Variants in KLRD1 observed in about 807,000 individuals in gnomAD.
KLRD1 encodes natural killer cells antigen CD94.
A neutral mutation model predicts 22.6 loss-of-function variants in KLRD1; 21 were observed. That is an observed-to-expected ratio of 0.93 (90% CI 0.66 to 1.34). The LOEUF is 1.34. Ranked by LOEUF, KLRD1 falls within the 40% of genes most tolerant of loss-of-function variation. The pLI is 0.00. For synonymous variants in KLRD1, 59 were observed against 71.1 expected, an observed-to-expected ratio of 0.83 and a Z score of 0.85; for missense variants, 183 against 208.6, an observed-to-expected ratio of 0.88 and a Z score of 0.76.
rs146110595 is a variant in KLRD1 at position 10,240,307 on chromosome 12, C to T, written c.-101+14074C>T. Among the ~76,000 whole-genome samples, 758 of 152,090 alleles carry T rather than the reference C, an allele frequency of 5.0e-3. 8 individuals are homozygous for T. Among genetic ancestry groups the T allele is most frequent in the African/African-American group, 0.017 (703 of 41,478 alleles). On this transcript the variant is annotated intron_variant, in intron 1 of 5. Transcript: ENST00000544747. The stretch of plus-strand genomic sequence containing the variant: ...AGCTCCTGAGCTCAAGCGATCTGCC[C>T]GCTTCTGCCTCCCAAAGTGCTGGGA...
At chr12:10,306,492 T>C (rs1949931032), upstream of KLRD1, among the ~76,000 whole-genome samples, 1 of 152,178 alleles carries the variant, frequency 6.6e-6, no homozygotes, top group South Asian at 2.1e-4. Flanking sequence ...ATAATCCCTA[T>C]TGCACATTCT....
chr12:10,328,047 G>A lies in KLRD1; in HGVS notation c.*13254G>A, dbSNP rs1198467872. On this transcript the variant is annotated 3_prime_UTR_variant, in exon 6 of 6. Coordinates refer to ENST00000336164, the MANE Select transcript of KLRD1 (RefSeq NM_002262.5). ...TGGCATATACTCCTTTTAGTGTACT[G>A]TTGAATTAATTTTGCTACTACTTTG... is the stretch of plus-strand genomic sequence containing the variant. 1 of 152,078 alleles carries A rather than the reference G, an allele frequency of 6.6e-6. No individual in the cohort carries two copies. The highest frequency in any genetic ancestry group is 6.6e-5 in the Admixed American group (1 of 15,258). The allele number at this position is 152,078 out of a possible 1,614,324, so 9.4% of individuals were successfully genotyped here. A position where few individuals can be genotyped will look rare whatever the true frequency, so the allele number is the denominator to read the frequency against.
chr12:10,301,107 A>G (rs528461606), upstream of KLRD1, among the ~76,000 whole-genome samples: 47 of 152,328 alleles, frequency 3.1e-4, no homozygotes, highest in African/African-American at 1.1e-3. Context: ...ATTTCATAAA[A>G]TGAATGAAGG....
chr12:10,328,113 T>G lies in KLRD1; in HGVS notation c.*13320T>G, dbSNP rs112859425. 2.0e-4 allele frequency: 30 copies of G among 152,300 alleles called. 2 individuals are homozygous for G. Among genetic ancestry groups the G allele is most frequent in the African/African-American group, 7.0e-4 (29 of 41,570 alleles). 9.4% of individuals were successfully genotyped at this position (152,300 alleles called of 1,614,324 possible). A position where few individuals can be genotyped will look rare whatever the true frequency, so the allele number is the denominator to read the frequency against. ...TCTACGTTTACTAGACATATTGGCTTATAGTTTTCTTGTGGTATCTTTGAC... is the reference window on the plus strand; with the variant it reads ...TCTACGTTTACTAGACATATTGGCTGATAGTTTTCTTGTGGTATCTTTGAC... On this transcript the variant is annotated 3_prime_UTR_variant, in exon 6 of 6. Coordinates refer to ENST00000336164, the MANE Select transcript of KLRD1 (RefSeq NM_002262.5).
chr12:10,254,186 T>C (rs1949370596), intron 1 of KLRD1, among the ~76,000 whole-genome samples: 2 of 151,968 alleles, frequency 1.3e-5, no homozygotes, highest in African/African-American at 4.8e-5. Flanking sequence ...CCCAGCACTT[T>C]GGGAGGCCGA....
At chr12:10,272,985 C>CT (rs1949563146) in intron 1 of KLRD1, among the ~76,000 whole-genome samples, 2 of 151,830 alleles carry the variant, frequency 1.3e-5, no homozygotes, top group Admixed American at 1.3e-4. Context: ...TCAGAAATAC[C>CT]TTTTTTGTGA....
At chr12:10,241,018 T>G (rs907046140) in intron 1 of KLRD1, among the ~76,000 whole-genome samples, 1 of 152,172 alleles carries the variant, frequency 6.6e-6, no homozygotes, top group African/African-American at 2.4e-5. Flanking sequence ...AAGATTCAAG[T>G]TGGAATAATT....
At chr12:10,267,239 G>A (rs146439017) in intron 1 of KLRD1, among the ~76,000 whole-genome samples, 4 of 152,108 alleles carry the variant, frequency 2.6e-5, no homozygotes, top group Non-Finnish European at 5.9e-5. Context: ...AATTGCATAA[G>A]TGCAGAATGA....
intron 1 of KLRD1, among the ~76,000 whole-genome samples, chr12:10,285,760 T>C (rs1949695668): frequency 6.6e-6 from 1 of 152,214 alleles, no homozygotes; most frequent in Admixed American, 6.5e-5. Context: ...ATGTTATTTT[T>C]TCTTTGTGAT....
At chr12:10,261,745 T>C (rs1224610804) in intron 1 of KLRD1, among the ~76,000 whole-genome samples, 1 of 152,116 alleles carries the variant, frequency 6.6e-6, no homozygotes, top group Non-Finnish European at 1.5e-5. Context: ...CTATTTCTGA[T>C]ACCCAGAAAA....
At chr12:10,296,486 A>G (rs1949822727) in intron 1 of KLRD1, among the ~76,000 whole-genome samples, 1 of 152,188 alleles carries the variant, frequency 6.6e-6, no homozygotes. Context: ...ACCACACTGC[A>G]GCCTGGGCGA....
rs190641316 is a variant in KLRD1 at position 10,267,558 on chromosome 12, G to A, written c.-100-40420G>A. Among the ~76,000 whole-genome samples the A allele has an allele frequency of 3.9e-5, 6 of 152,238 alleles. No individual in the cohort carries two copies. The East Asian group carries it at 1.2e-3, about 29-fold the overall frequency. ...GTCAGCCATTGAGTACATAATCACA[G>A]AAATAATTATACACATGAGACTGGA... is the stretch of plus-strand genomic sequence containing the variant. On this transcript the variant is annotated intron_variant, in intron 1 of 5. Transcript: ENST00000544747.
At chr12:10,312,644 C>T (rs945614019) in intron 4 of KLRD1, among the ~76,000 whole-genome samples, 9 of 149,838 alleles carry the variant, frequency 6.0e-5, no homozygotes, top group Admixed American at 3.3e-4. Flanking sequence ...TCCCAAAGTG[C>T]TGGGATTACA....
chr12:10,276,428 G>C (rs1469237838), intron 1 of KLRD1, among the ~76,000 whole-genome samples: 1 of 152,002 alleles, frequency 6.6e-6, no homozygotes, highest in Non-Finnish European at 1.5e-5. Context: ...TTATCCTTTT[G>C]GCCTTTGCTC....
chr12:10,253,188 C>A (rs1382823832), intron 1 of KLRD1, among the ~76,000 whole-genome samples: 1 of 152,054 alleles, frequency 6.6e-6, no homozygotes, highest in African/African-American at 2.4e-5. Context: ...ATTTCAATTT[C>A]AGTATTTAAA....
chr12:10,262,483 A>G (rs776690734), intron 1 of KLRD1, among the ~76,000 whole-genome samples: 18 of 152,100 alleles, frequency 1.2e-4, no homozygotes, highest in Non-Finnish European at 1.8e-4. Context: ...TGACAAGTAC[A>G]CCATTGTTAA....
At chr12:10,263,347 C>G (rs1949471114) in intron 1 of KLRD1, among the ~76,000 whole-genome samples, 1 of 151,906 alleles carries the variant, frequency 6.6e-6, no homozygotes, top group Non-Finnish European at 1.5e-5. Context: ...CACAATTGTA[C>G]TTTTTCTAAC....
chr12:10,287,985 G>A (rs950260522), intron 1 of KLRD1, among the ~76,000 whole-genome samples: 2 of 151,042 alleles, frequency 1.3e-5, no homozygotes, highest in South Asian at 2.1e-4. Flanking sequence ...GGAGAATGGC[G>A]TGAACCTGGG....
At chr12:10,309,743 T>C in intron 3 of KLRD1, 55 bp downstream of exon 3, 1 of 1,240,808 alleles carries the variant, frequency 8.1e-7, no homozygotes, top group South Asian at 1.2e-5. Context: ...ATAGGCAGTT[T>C]CTTGTTTTTC....
Sources: gnomAD v4.1 joint callset for allele counts (sites outside exome capture counted in the v4.1 genomes callset) on GRCh38, gnomAD v4.1.1 for gene constraint, MANE v1.5 for transcripts, NCBI Gene and HGNC (gene_info 2026-07-23, HGNC 2026-07-21) for gene names.